The following S100A8 variants were observed in gnomAD, a reference collection of about 807,000 sequenced individuals.
S100A8 encodes the protein S100 calcium binding protein A8.
S100A8 carries 1 observed loss-of-function variant against 4.2 expected under a neutral mutation model. The observed-to-expected ratio is 0.24, with a 90% CI of 0.08 to 1.12. The LOEUF (loss-of-function observed/expected upper bound fraction) is 1.12. Among genes scored for constraint, S100A8 ranks in the 50% most tolerant of loss-of-function variants. The pLI is 0.53. For synonymous variants in S100A8, 41 were observed against 44.7 expected, an observed-to-expected ratio of 0.92 and a Z score of 0.33; for missense variants, 96 against 111.8, an observed-to-expected ratio of 0.86 and a Z score of 0.64.
chr1:153,400,881 C>G, the S100A8 span, among the ~76,000 whole-genome samples: 15 of 152,232 alleles, frequency 9.9e-5, no homozygotes, highest in Non-Finnish European at 4.4e-5. Context: ...AACCTTAAAA[C>G]TATCTAATTA....
chr1:153,406,533 C>T, the S100A8 span, among the ~76,000 whole-genome samples: 79 of 152,270 alleles, frequency 5.2e-4, no homozygotes, highest in African/African-American at 1.6e-3. Context: ...CACCCTGACA[C>T]CTGCACACCC....
At chr1:153,419,548 C>T in the S100A8 span, 2 of 567,566 alleles carry the variant, frequency 3.5e-6, no homozygotes, top group Admixed American at 6.3e-5. Flanking sequence ...TCACACAGGT[C>T]CTGGTGTCTG....
chr1:153,392,656 C>T (rs912396301), upstream of S100A8, among the ~76,000 whole-genome samples: 1 of 152,172 alleles, frequency 6.6e-6, no homozygotes, highest in African/African-American at 2.4e-5. Flanking sequence ...AGGGCTAAAT[C>T]CATTCCTACC....
upstream of S100A8, among the ~76,000 whole-genome samples, chr1:153,394,765 C>T (rs967421009): frequency 2.0e-5 from 3 of 152,272 alleles, no homozygotes; most frequent in South Asian, 4.1e-4. Context: ...AACAAGGTCT[C>T]CAGCTCAGCT....
At chr1:153,392,211 G>T (rs548549097), upstream of S100A8, among the ~76,000 whole-genome samples, 3 of 152,268 alleles carry the variant, frequency 2.0e-5, no homozygotes, top group South Asian at 6.2e-4. Context: ...CTCCGAAGAA[G>T]ATATACAAAT....
the S100A8 span, among the ~76,000 whole-genome samples, chr1:153,406,638 C>G: frequency 1.3e-5 from 2 of 152,210 alleles, no homozygotes; most frequent in Admixed American, 6.5e-5. Context: ...AACTTGAGAT[C>G]TTCTAGAGAC....
the S100A8 span, chr1:153,421,870 G>A: frequency 6.6e-6 from 1 of 152,234 alleles, no homozygotes; most frequent in Non-Finnish European, 1.5e-5. Flanking sequence ...GATGGAGTGT[G>A]TGGACAAATA....
chr1:153,411,842 T>C, the S100A8 span, among the ~76,000 whole-genome samples: 3 of 152,116 alleles, frequency 2.0e-5, no homozygotes, highest in Non-Finnish European at 2.9e-5. Context: ...ACTACAACCA[T>C]CTGATCTTTG....
the S100A8 span, among the ~76,000 whole-genome samples, chr1:153,416,801 G>C: frequency 1.3e-5 from 2 of 152,156 alleles, 1 homozygote; most frequent in South Asian, 4.1e-4. Flanking sequence ...CAACTCCTGT[G>C]GAAATGTCCC....
the S100A8 span, among the ~76,000 whole-genome samples, chr1:153,406,328 G>C: frequency 7.7e-4 from 118 of 152,274 alleles, 1 homozygote; most frequent in East Asian, 0.021. Flanking sequence ...ACTGAGACAT[G>C]CAGGGACATG....
At chr1:153,391,268 T>G, upstream of S100A8, 1 of 926,418 alleles carries the variant, frequency 1.1e-6, no homozygotes. Context: ...AGGAAGGCAT[T>G]TGCTGGGCAA....
chr1:153,405,157 C>T, the S100A8 span, among the ~76,000 whole-genome samples: 4 of 151,628 alleles, frequency 2.6e-5, no homozygotes, highest in Admixed American at 1.3e-4. Context: ...TAAAATTGGG[C>T]GAGATGAGGA....
the S100A8 span, among the ~76,000 whole-genome samples, chr1:153,407,451 G>C: frequency 2.6e-5 from 4 of 152,216 alleles, no homozygotes; most frequent in Admixed American, 6.5e-5. Flanking sequence ...GGCTTGAGTA[G>C]GTAAACAAAG....
chr1:153,421,787 C>T, the S100A8 span: 3 of 152,206 alleles, frequency 2.0e-5, no homozygotes, highest in Non-Finnish European at 4.4e-5. Flanking sequence ...TGGGCCTGCC[C>T]TCCCTTTATT....
chr1:153,399,759 G>A, the S100A8 span, among the ~76,000 whole-genome samples: 1 of 152,118 alleles, frequency 6.6e-6, no homozygotes, highest in Non-Finnish European at 1.5e-5. Context: ...GAGTTGGGGG[G>A]GACTTCCTTA....
At chr1:153,415,690 A>G in the S100A8 span, among the ~76,000 whole-genome samples, 2,261 of 90,642 alleles carry the variant, frequency 0.025, 38 homozygotes, top group African/African-American at 0.071. Context: ...CCCACTCCCT[A>G]CCTCCAGGCT....
the S100A8 span, among the ~76,000 whole-genome samples, chr1:153,406,687 C>T: frequency 8.5e-3 from 1,302 of 152,282 alleles, 23 homozygotes; most frequent in African/African-American, 0.03. Flanking sequence ...TGGGGAGAGG[C>T]GAGCTCCCCA....
chr1:153,397,351 C>T, the S100A8 span, among the ~76,000 whole-genome samples: 3 of 152,042 alleles, frequency 2.0e-5, no homozygotes, highest in Non-Finnish European at 4.4e-5. Context: ...GCATGCGAAC[C>T]TCTGAACCCC....
In S100A8 at chr1:153,390,526, C is replaced by T; in HGVS notation, c.10G>A (p.Glu4Lys). The change falls in exon 2 of 3, where the codon GAG (glutamate) becomes AAG (lysine). Residue 4 changes from glutamate to lysine, a missense_variant. Coordinates refer to ENST00000368733, the MANE Select transcript of S100A8 (RefSeq NM_002964.5). ...ATAGAGTTCAAGGCTTTCTCCAGCT[C>T]GGTCAACATGATGCCCACGGACTTG... MLT[E>K]LEKALNSIID... 6.2e-7 allele frequency: 1 copy of T among 1,614,198 alleles called. No individual in the cohort carries two copies. Among genetic ancestry groups the T allele is most frequent in the Non-Finnish European group, 8.5e-7 (1 of 1,180,030 alleles).
Sources: allele counts gnomAD v4.1 joint callset (sites outside exome capture counted in the v4.1 genomes callset), GRCh38; gene constraint gnomAD v4.1.1; transcripts MANE v1.5; gene names NCBI Gene and HGNC (gene_info 2026-07-23, HGNC 2026-07-21).